ERI1: variants seen among roughly 807,000 people sequenced by gnomAD.
The protein encoded by ERI1 is 3'-5' exoribonuclease 1.
In ERI1, 39 loss-of-function variants were observed where a neutral mutation model predicts 39.7. The observed-to-expected ratio is 0.98, with a 90% CI of 0.76 to 1.28. ERI1 has a LOEUF of 1.28. ERI1 is among the 50% of genes most tolerant of loss of function. The pLI, the probability that ERI1 is intolerant of heterozygous loss-of-function variation, is 0.00. For missense variants in ERI1, 581 were observed against 416.9 expected (o/e 1.39, Z -3.43); for synonymous variants, 204 against 149.6 (o/e 1.36, Z -2.65).
intron 3 of ERI1, among the ~76,000 whole-genome samples, chr8:9,059,795 G>A (rs1043672933): frequency 9.9e-5 from 15 of 152,136 alleles, no homozygotes; most frequent in African/African-American, 3.4e-4. Context: ...AGTGTGAACC[G>A]GCAGTGTAAA....
At chr8:9,080,248 G>T (rs571872179) in intron 3 of ERI1, among the ~76,000 whole-genome samples, 21 of 152,300 alleles carry the variant, frequency 1.4e-4, no homozygotes, top group African/African-American at 4.6e-4. Flanking sequence ...TAATTTAAGA[G>T]GACTTGCATT....
At chr8:9,034,968 C>T (rs1797795658), downstream of ERI1, among the ~76,000 whole-genome samples, 1 of 152,182 alleles carries the variant, frequency 6.6e-6, no homozygotes, top group Non-Finnish European at 1.5e-5. Flanking sequence ...GATAAAAAAT[C>T]AAACTGCAAC....
At chr8:9,018,654 C>T (rs1291615303) in intron 5 of ERI1, among the ~76,000 whole-genome samples, 1 of 152,172 alleles carries the variant, frequency 6.6e-6, no homozygotes, top group East Asian at 1.9e-4. Context: ...TTTGCTAAAA[C>T]TCTGTTTTTT....
chr8:9,009,152 T>A (rs1816399030), intron 2 of ERI1: 1 of 448,952 alleles, frequency 2.2e-6, no homozygotes, highest in Non-Finnish European at 4.5e-6. Flanking sequence ...TGTTTATACG[T>A]TTATTCAACA....
In ERI1 at chr8:9,029,895, G is replaced by A. The variant is rs781461046; in HGVS notation, c.911G>A (p.Arg304Gln). ...CGLDDSKNIA[R>Q]IAVRMLQDGC... Reference sequence around the variant, plus strand: ...CTTGATGACTCTAAGAATATCGCCCGAATAGCAGTTCGAATGCTTCAGGAT... The same window carrying A: ...CTTGATGACTCTAAGAATATCGCCCAAATAGCAGTTCGAATGCTTCAGGAT... The change falls in exon 7 of 7, where the codon CGA becomes CAA. Residue 304 changes from arginine (R) to glutamine (Q), a missense_variant. Coordinates refer to ENST00000250263, the MANE Select transcript of ERI1 (RefSeq NM_153332.4). 24 of 1,614,014 alleles carry A rather than the reference G, an allele frequency of 1.5e-5. No homozygotes were observed. Among genetic ancestry groups the A allele is most frequent in the East Asian group, 2.2e-5 (1 of 44,886 alleles).
Position 9,043,811 on chromosome 8 carries a change from C to T in ERI1, n.299+23347C>T, listed in dbSNP as rs534904471. Reference sequence around the variant, plus strand: ...CAAGCCATCCTCCTACCTCAGCCTCCTGAGTAGCTGGGACTACAGGCCATA... The same window carrying T: ...CAAGCCATCCTCCTACCTCAGCCTCTTGAGTAGCTGGGACTACAGGCCATA... On this transcript the variant is annotated intron_variant and non_coding_transcript_variant, in intron 3 of 3. Coordinates refer to the ERI1 transcript ENST00000518663. Among the ~76,000 whole-genome samples the T allele has an allele frequency of 7.2e-5, 11 of 152,324 alleles. No homozygotes were observed. In the South Asian group the frequency reaches 2.3e-3, roughly 32 times the overall value.
At chr8:9,063,015 T>A (rs1216192097) in intron 3 of ERI1, among the ~76,000 whole-genome samples, 5 of 152,182 alleles carry the variant, frequency 3.3e-5, no homozygotes, top group African/African-American at 1.2e-4. Context: ...AGGCAAGGAA[T>A]TGCAACTCAG....
In ERI1 at chr8:9,030,030, A is replaced by C. The variant is rs775086601; in HGVS notation, c.1046A>C (p.Lys349Thr). 6.3e-7 allele frequency: 1 copy of C among 1,584,416 alleles called. No homozygotes were observed. Among genetic ancestry groups the C allele is most frequent in the African/African-American group, 1.4e-5 (1 of 73,564 alleles). ...CCACCACAAATGCCACATTTTAGAA[A>C]GTAACAACAGTTTTGTGTGTGGATC... The part of the protein sequence containing the change: ...TPPPQMPHFR[K>T] Residue 349 changes from lysine to threonine, a missense_variant, in exon 7 of 7, where the codon AAG (lysine) becomes ACG (threonine). Transcript: ENST00000250263.
chr8:9,049,058 G>A (rs1798268749), intron 3 of ERI1, among the ~76,000 whole-genome samples: 1 of 152,038 alleles, frequency 6.6e-6, no homozygotes, highest in Non-Finnish European at 1.5e-5. Context: ...ACAAAGGGCA[G>A]CTGGGCGCAG....
chr8:9,058,692 A>G (rs1798590050), intron 3 of ERI1, among the ~76,000 whole-genome samples: 1 of 152,156 alleles, frequency 6.6e-6, no homozygotes. Flanking sequence ...CCATGTGTGG[A>G]TCTTATACAA....
downstream of ERI1, among the ~76,000 whole-genome samples, chr8:9,038,209 G>T (rs917629371): frequency 6.6e-6 from 1 of 152,148 alleles, no homozygotes; most frequent in East Asian, 1.9e-4. Flanking sequence ...CTTTCTCCTG[G>T]AACTTCTATT....
At chr8:9,008,399 C>G (rs1563308982) in intron 2 of ERI1, among the ~76,000 whole-genome samples, 1 of 152,072 alleles carries the variant, frequency 6.6e-6, no homozygotes, top group African/African-American at 2.4e-5. Flanking sequence ...GAGTCTCTGT[C>G]TTATTATGAC....
intron 1 of ERI1, 149 bp downstream of exon 1, chr8:9,003,320 T>G (rs1466979878): frequency 2.2e-6 from 1 of 447,558 alleles, no homozygotes; most frequent in Non-Finnish European, 3.7e-6. Context: ...GCTCCCTGGC[T>G]TTATCCTCGG....
At chr8:9,025,797 AT>A (rs1818414707) in intron 6 of ERI1, among the ~76,000 whole-genome samples, 1 of 151,516 alleles carries the variant, frequency 6.6e-6, no homozygotes, top group South Asian at 2.1e-4. Context: ...AATGTTTGAG[AT>A]TTGGGGTTTT....
chr8:9,024,199 C>T (rs981349729), intron 6 of ERI1, among the ~76,000 whole-genome samples: 11 of 152,120 alleles, frequency 7.2e-5, no homozygotes, highest in Admixed American at 2.0e-4. Context: ...TAATACATTT[C>T]TGTGAAATAA....
chr8:9,094,994 A>G (rs896252784), intron 3 of ERI1, among the ~76,000 whole-genome samples: 5 of 152,002 alleles, frequency 3.3e-5, no homozygotes, highest in African/African-American at 1.2e-4. Flanking sequence ...CAAAGGAAAG[A>G]GAATGGGCTT....
At chr8:9,072,170 T>G (rs1799072468) in intron 3 of ERI1, among the ~76,000 whole-genome samples, 1 of 152,202 alleles carries the variant, frequency 6.6e-6, no homozygotes, top group South Asian at 2.1e-4. Context: ...TCCCTAACGT[T>G]TGACAATAGC....
In ERI1 at chr8:9,040,504, G is replaced by C. The variant is rs189417711; in HGVS notation, n.299+20040G>C. Among the ~76,000 whole-genome samples, 9 of 152,178 alleles carry C rather than the reference G, an allele frequency of 5.9e-5. No homozygotes were observed. In the East Asian group the frequency reaches 1.7e-3, roughly 29 times the overall value. On this transcript the variant is annotated intron_variant and non_coding_transcript_variant, in intron 3 of 3. Transcript: ENST00000518663. ...ACGGAAGAAATAGTGTGGATGCCAC[G>C]GTTTTGCTTTTGTTAGAGGGCTGTA... is the stretch of plus-strand genomic sequence containing the variant.
chr8:9,022,619 C>T (rs560643435), intron 6 of ERI1, among the ~76,000 whole-genome samples: 10 of 152,158 alleles, frequency 6.6e-5, no homozygotes, highest in African/African-American at 2.4e-4. Flanking sequence ...AGGCTGGTCT[C>T]GAACTCCTGG....
Sources: gnomAD v4.1 joint callset for allele counts (sites outside exome capture counted in the v4.1 genomes callset) on GRCh38, gnomAD v4.1.1 for gene constraint, MANE v1.5 for transcripts, NCBI Gene and HGNC (gene_info 2026-07-23, HGNC 2026-07-21) for gene names.